DIAPH3: variants seen among roughly 807,000 people sequenced by gnomAD.
The protein encoded by DIAPH3 is diaphanous related formin 3.
Under a neutral mutation model 144.3 loss-of-function variants are expected in DIAPH3, and 117 were observed. The ratio of observed to expected loss-of-function variants is 0.81; its 90% CI spans 0.70 to 0.95. The LOEUF (loss-of-function observed/expected upper bound fraction) is 0.95. Ranked by LOEUF, DIAPH3 falls within the 40% of genes least tolerant of loss-of-function variation. DIAPH3 has a pLI of 0.00. For missense variants in DIAPH3, 1,421 were observed against 1,412.7 expected (o/e 1.01, Z -0.09); for synonymous variants, 519 against 488.9 (o/e 1.06, Z -0.81).
At chr13:59,804,761 A>C (rs779343780) in intron 25 of DIAPH3, among the ~76,000 whole-genome samples, 4 of 152,198 alleles carry the variant, frequency 2.6e-5, no homozygotes, top group Admixed American at 6.5e-5. Context: ...AAAAAACTGA[A>C]AGCATTACTG....
intron 22 of DIAPH3, among the ~76,000 whole-genome samples, chr13:59,852,970 T>C (rs1003554259): frequency 2.0e-5 from 3 of 152,216 alleles, no homozygotes; most frequent in East Asian, 1.9e-4. Context: ...TAATGATTAA[T>C]AGGTACTTTT....
At chr13:59,802,679 T>A (rs1304316175) in intron 25 of DIAPH3, among the ~76,000 whole-genome samples, 1 of 70,282 alleles carries the variant, frequency 1.4e-5, no homozygotes, top group Middle Eastern at 6.0e-3. Context: ...TTTTTTTTTT[T>A]TTTTTTTTTT....
At chr13:60,009,818 A>G (rs564552555) in intron 8 of DIAPH3, among the ~76,000 whole-genome samples, 2 of 152,142 alleles carry the variant, frequency 1.3e-5, no homozygotes, top group East Asian at 1.9e-4. Flanking sequence ...GACTCTGCCA[A>G]CCCCTACATA....
At chr13:60,063,623 T>C (rs890446405) in intron 4 of DIAPH3, among the ~76,000 whole-genome samples, 13 of 152,100 alleles carry the variant, frequency 8.5e-5, no homozygotes, top group African/African-American at 3.1e-4. Context: ...TGTGTTCACA[T>C]GCATAAAAAC....
At chr13:60,135,573 G>A (rs1040007101) in intron 1 of DIAPH3, among the ~76,000 whole-genome samples, 3 of 152,154 alleles carry the variant, frequency 2.0e-5, no homozygotes, top group Non-Finnish European at 2.9e-5. Context: ...CTCACCATCA[G>A]CAAGAGAAGT....
rs535864938 is a variant in DIAPH3 at position 60,055,135 on chromosome 13, T to C, written c.496-12315A>G. Reference sequence around the variant, plus strand: ...TTAAAAAGCTTAAAATTACCAACTATATTTTACCCAAAAAAAAGATAAAGT... The same window carrying C: ...TTAAAAAGCTTAAAATTACCAACTACATTTTACCCAAAAAAAAGATAAAGT... On this transcript the variant is annotated intron_variant, in intron 4 of 27. Coordinates refer to ENST00000400324, the MANE Select transcript of DIAPH3 (RefSeq NM_001042517.2). Among the ~76,000 whole-genome samples, 4 of 151,994 alleles carry C rather than the reference T, an allele frequency of 2.6e-5. No individual in the cohort carries two copies. In the South Asian group the frequency reaches 8.3e-4, roughly 32 times the overall value.
chr13:59,854,780 C>T (rs2043170844), intron 22 of DIAPH3, among the ~76,000 whole-genome samples: 1 of 152,166 alleles, frequency 6.6e-6, no homozygotes, highest in South Asian at 2.1e-4. Flanking sequence ...GCTCAAGTAG[C>T]TACTTCAAAT....
In DIAPH3 at chr13:59,871,426, C is replaced by T. The variant is rs1172397974; in HGVS notation, c.2607+7803G>A. On this transcript the variant is annotated intron_variant, in intron 21 of 27. Transcript: ENST00000400324. The stretch of plus-strand genomic sequence containing the variant: ...TACCATTAAGTATGATGCTAGCTGT[C>T]GATTTTATGTAGATGTTCTTTATCA... Among the ~76,000 whole-genome samples the T allele has an allele frequency of 6.6e-5, 10 of 152,174 alleles. No individual in the cohort carries two copies. The South Asian group carries it at 1.7e-3, about 25-fold the overall frequency.
intron 2 of DIAPH3, among the ~76,000 whole-genome samples, chr13:60,126,312 G>A (rs1431347667): frequency 1.3e-5 from 2 of 152,120 alleles, no homozygotes; most frequent in African/African-American, 4.8e-5. Context: ...CAAAGAAGCA[G>A]CATATGATTA....
intron 2 of DIAPH3, among the ~76,000 whole-genome samples, chr13:60,114,642 G>GACACAC (rs34572381): frequency 0.012 from 1,776 of 148,078 alleles, 32 homozygotes; most frequent in African/African-American, 0.04. Context: ...GAATACAAAA[G>GACACAC]ACACACACAC....
At chr13:59,733,586 T>C (rs1281220258) in intron 27 of DIAPH3, among the ~76,000 whole-genome samples, 1 of 152,108 alleles carries the variant, frequency 6.6e-6, no homozygotes, top group Non-Finnish European at 1.5e-5. Flanking sequence ...GATAGGAAGG[T>C]TTAGTTGTAT....
intron 27 of DIAPH3, among the ~76,000 whole-genome samples, chr13:59,751,158 T>A (rs1305336966): frequency 6.6e-6 from 1 of 152,254 alleles, no homozygotes. Flanking sequence ...TTCGCCCTGC[T>A]CCTGCAAAAG....
At chr13:59,694,983 A>G (rs1030750724) in intron 27 of DIAPH3, among the ~76,000 whole-genome samples, 38 of 152,310 alleles carry the variant, frequency 2.5e-4, no homozygotes, top group African/African-American at 8.9e-4. Flanking sequence ...AATTTATTTG[A>G]TTGAATAATT....
At chr13:59,728,737 T>C (rs188160586) in intron 27 of DIAPH3, among the ~76,000 whole-genome samples, 2 of 152,266 alleles carry the variant, frequency 1.3e-5, no homozygotes, top group Admixed American at 6.5e-5. Flanking sequence ...TATAATAGGA[T>C]ATATTTAACT....
chr13:60,083,514 T>C (rs919945023), intron 4 of DIAPH3, among the ~76,000 whole-genome samples: 1 of 152,016 alleles, frequency 6.6e-6, no homozygotes, highest in African/African-American at 2.4e-5. Context: ...TCTAGCTGTC[T>C]CTGTGCAGGA....
At chr13:60,002,378 C>T (rs2052575523) in intron 9 of DIAPH3, among the ~76,000 whole-genome samples, 1 of 152,162 alleles carries the variant, frequency 6.6e-6, no homozygotes, top group African/African-American at 2.4e-5. Flanking sequence ...AAGTAATATT[C>T]CCTATGCTCA....
chr13:59,968,030 A>T (rs2050155008), intron 17 of DIAPH3, among the ~76,000 whole-genome samples: 2 of 152,230 alleles, frequency 1.3e-5, no homozygotes, highest in Admixed American at 6.5e-5. Flanking sequence ...GCAGAGAGAG[A>T]TGGAAATATG....
chr13:59,794,869 T>C (rs1182769440), intron 25 of DIAPH3, among the ~76,000 whole-genome samples: 1 of 152,226 alleles, frequency 6.6e-6, no homozygotes, highest in East Asian at 1.9e-4. Context: ...TTAGGAATGA[T>C]TAATTTTCCT....
intron 4 of DIAPH3, chr13:60,044,450 T>C (rs766527607): frequency 6.6e-6 from 1 of 152,130 alleles, no homozygotes; most frequent in Non-Finnish European, 1.5e-5. Context: ...GGGGAAATGG[T>C]GAAAGCTATG....
Sources: gnomAD v4.1 joint callset for allele counts (sites outside exome capture counted in the v4.1 genomes callset) on GRCh38, gnomAD v4.1.1 for gene constraint, MANE v1.5 for transcripts, NCBI Gene and HGNC (gene_info 2026-07-23, HGNC 2026-07-21) for gene names.